FAM118B: variants seen among roughly 807,000 people sequenced by gnomAD.
The protein encoded by FAM118B is protein FAM118B.
FAM118B carries 24 observed loss-of-function variants against 38.5 expected under a neutral mutation model. That is an observed-to-expected ratio of 0.62 (90% CI 0.45 to 0.88). FAM118B has a LOEUF of 0.88. FAM118B is among the 40% of genes least tolerant of loss of function. The pLI is 0.00. For missense variants in FAM118B, 334 were observed against 420.0 expected, an observed-to-expected ratio of 0.80 and a Z score of 1.79; for synonymous variants, 138 against 156.3, an observed-to-expected ratio of 0.88 and a Z score of 0.87.
At position 126,235,924 on chromosome 11, in the gene FAM118B, T is replaced by C. The variant is rs181891827; in HGVS notation, c.86+837T>C. 7.3e-3 allele frequency among the ~76,000 whole-genome samples: 1,059 copies of C among 145,618 alleles called. 11 individuals carry two copies. Among genetic ancestry groups the C allele is most frequent in the Middle Eastern group, 0.021 (6 of 290 alleles). ...TGTTTCCTTTCTTGCCCATTTTTTTTGCTTATGTCATTAAAGACTGTCTTT... is the reference window on the plus strand; with the variant it reads ...TGTTTCCTTTCTTGCCCATTTTTTTCGCTTATGTCATTAAAGACTGTCTTT... On this transcript the variant is annotated intron_variant, in intron 3 of 8. Transcript: ENST00000533050.
intron 5 of FAM118B, among the ~76,000 whole-genome samples, chr11:126,251,973 C>CGTTTT (rs546709233): frequency 0.014 from 2,167 of 151,262 alleles, 29 homozygotes; most frequent in East Asian, 0.021. Context: ...TGTGCCTGGC[C>CGTTTT]GTTTTGTTTT....
chr11:126,254,508 AG>A, intron 6 of FAM118B, 75 bp downstream of exon 6: 1 of 1,567,490 alleles, frequency 6.4e-7, no homozygotes, highest in Non-Finnish European at 8.7e-7. Flanking sequence ...TAGATCTTAA[AG>A]GGGAACATCT....
chr11:126,218,672 T>A (rs1410378525), intron 1 of FAM118B, among the ~76,000 whole-genome samples: 1 of 152,190 alleles, frequency 6.6e-6, no homozygotes, highest in Non-Finnish European at 1.5e-5. Context: ...TTCATTTCTG[T>A]TTTGTTTTTT....
At chr11:126,261,266 A>T (rs183014381) in intron 7 of FAM118B, 159 bp from the exon 8 acceptor site, 21 of 614,136 alleles carry the variant, frequency 3.4e-5, no homozygotes, top group Non-Finnish European at 6.1e-5. Flanking sequence ...ACTCCAGTTT[A>T]TCCTCTCTGC....
intron 1 of FAM118B, among the ~76,000 whole-genome samples, chr11:126,221,874 G>C (rs753826231): frequency 7.2e-5 from 11 of 152,070 alleles, no homozygotes; most frequent in Non-Finnish European, 1.2e-4. Flanking sequence ...TTTGCCATAA[G>C]GGTATTTATC....
At chr11:126,254,847 A>C (rs1407472252) in intron 6 of FAM118B, among the ~76,000 whole-genome samples, 1 of 152,136 alleles carries the variant, frequency 6.6e-6, no homozygotes, top group Non-Finnish European at 1.5e-5. Flanking sequence ...AAGAAACTGG[A>C]AAGTCAGACG....
At chr11:126,236,374 CTCTGCTAACATCTAAGTAT>C (rs1436205068) in intron 3 of FAM118B, among the ~76,000 whole-genome samples, 2 of 152,324 alleles carry the variant, frequency 1.3e-5, no homozygotes, top group East Asian at 3.9e-4. Context: ...CTCATTCATA[CTCTGCTAACATCTAAGTAT>C]TCCTGCCAAA....
chr11:126,237,201 C>G (rs923659726), intron 3 of FAM118B, among the ~76,000 whole-genome samples: 1 of 144,460 alleles, frequency 6.9e-6, no homozygotes, highest in Non-Finnish European at 1.5e-5. Flanking sequence ...CAGACGTGAG[C>G]CACCGCGCCT....
In FAM118B at chr11:126,256,838, C is replaced by A; in HGVS notation, c.968C>A (p.Thr323Lys). 6.2e-7 allele frequency: 1 copy of A among 1,613,072 alleles called. No homozygotes were observed. The highest frequency in any genetic ancestry group is 8.5e-7 in the Non-Finnish European group (1 of 1,179,502). Residue 323 changes from threonine to lysine, a missense_variant, in exon 7 of 9, where the codon ACA becomes AAA. Transcript: ENST00000533050. The surrounding 1 kb of genome is among the most constrained non-coding windows in gnomAD (Gnocchi z 6.6). Reference protein sequence around the residue: ...YFKRLTCEISTRGTSAGMVRE... With the variant: ...YFKRLTCEISKRGTSAGMVRE... ...AAGCGACTGACATGTGAGATCTCCA[C>A]AAGGGGTACATCAGGTAAGATGCAT...
In FAM118B at chr11:126,256,595, A is replaced by G; in HGVS notation, c.725A>G (p.Lys242Arg). ...MREIQKLYEN[K>R]SFLFLGCGWT... is the part of the protein sequence containing the mutation. The stretch of plus-strand genomic sequence containing the variant: ...GAAATTCAGAAACTCTACGAAAACA[A>G]GTCATTTCTTTTCCTGGGCTGTGGC... Residue 242 changes from lysine to arginine, a missense_variant, in exon 7 of 9, where the codon AAG (lysine) becomes AGG (arginine). Physicochemically the swap from Lys to Arg is conservative, Grantham distance 26 (BLOSUM62 2). Around this residue, in one of 3 missense-constraint regions of FAM118B, gnomAD observed 240 missense variants for 295.9 expected, o/e 0.81. Coordinates refer to ENST00000533050, the MANE Select transcript of FAM118B (RefSeq NM_024556.4). This position sits in a 1 kb window ranked among gnomAD's most constrained non-coding sequence, Gnocchi z 6.6. 1 of 1,613,980 alleles carries G rather than the reference A, an allele frequency of 6.2e-7. No homozygotes were observed. The highest frequency in any genetic ancestry group is 8.5e-7 in the Non-Finnish European group (1 of 1,179,976).
chr11:126,236,729 T>C (rs769695690), intron 3 of FAM118B, among the ~76,000 whole-genome samples: 6 of 152,038 alleles, frequency 3.9e-5, no homozygotes, highest in Non-Finnish European at 7.4e-5. Context: ...ACTTCTTGTA[T>C]TAAGTCTCTA....
chr11:126,234,998 C>T lies in FAM118B; in HGVS notation c.-4C>T, dbSNP rs369624051. On this transcript the variant is annotated 5_prime_UTR_variant, in exon 3 of 9. Transcript: ENST00000533050. ...CATGGTGTTTAATCTATTTTAGAAACTGGATGGCTTCTACAGGGAGCCAGG... is the reference window on the plus strand; with the variant it reads ...CATGGTGTTTAATCTATTTTAGAAATTGGATGGCTTCTACAGGGAGCCAGG... 1 of 1,612,838 alleles carries T rather than the reference C, an allele frequency of 6.2e-7. No homozygotes were observed. Among genetic ancestry groups the T allele is most frequent in the Non-Finnish European group, 8.5e-7 (1 of 1,179,092 alleles).
At chr11:126,241,557 TA>T (rs1319583451) in intron 4 of FAM118B, among the ~76,000 whole-genome samples, 9 of 152,084 alleles carry the variant, frequency 5.9e-5, no homozygotes, top group South Asian at 2.1e-4. Flanking sequence ...TTTATTTATT[TA>T]TTTATTTTTT....
rs935145988 is a variant in FAM118B, at chr11:126,252,376, C to G, written c.567+1643C>G. The stretch of plus-strand genomic sequence containing the variant: ...TTGGATAGGTATCATGTTAGTCTTT[C>G]TTACCCTCATAACTCAAATACAACC... On this transcript the variant is annotated intron_variant, in intron 5 of 8. Coordinates refer to ENST00000533050, the MANE Select transcript of FAM118B (RefSeq NM_024556.4). The surrounding 1 kb of genome is among the most constrained non-coding windows in gnomAD (Gnocchi z 4.7). Among the ~76,000 whole-genome samples, 1 of 152,198 alleles carries G rather than the reference C, an allele frequency of 6.6e-6. No homozygotes were observed. The highest frequency in any genetic ancestry group is 1.9e-4 in the East Asian group (1 of 5,198).
chr11:126,250,872 T>C lies in FAM118B; in HGVS notation c.567+139T>C. On this transcript the variant is annotated intron_variant, in intron 5 of 8. Transcript: ENST00000533050. This position sits in a 1 kb window ranked among gnomAD's most constrained non-coding sequence, Gnocchi z 5.1. ...TTTCCCTGGTTGGAGTTTTTGTTTT[T>C]CTTTTTTCTTTCTTTTTAAAGATCA... 1 of 626,072 alleles carries C rather than the reference T, an allele frequency of 1.6e-6. No individual in the cohort carries two copies. The highest frequency in any genetic ancestry group is 2.7e-4 in the Middle Eastern group (1 of 3,756). The allele number at this position is 626,072 out of a possible 1,614,324, so 38.8% of individuals were successfully genotyped here. A position where few individuals can be genotyped will look rare whatever the true frequency, so the allele number is the denominator to read the frequency against.
rs576299291 is a variant in FAM118B at position 126,244,017 on chromosome 11, A to G, written c.339+2973A>G. Among the ~76,000 whole-genome samples, 1 of 152,340 alleles carries G rather than the reference A, an allele frequency of 6.6e-6. No homozygotes were observed. Among genetic ancestry groups the G allele is most frequent in the Non-Finnish European group, 1.5e-5 (1 of 68,026 alleles). ...AGAAAAAACATGTTAGCAAAATGCA[A>G]CACTCTTTCATGATTTTTTTTAAAA... On this transcript the variant is annotated intron_variant, in intron 4 of 8. Transcript: ENST00000533050. This position sits in a 1 kb window ranked among gnomAD's most constrained non-coding sequence, Gnocchi z 4.5.
chr11:126,216,931 A>G (rs1021532940), intron 1 of FAM118B, among the ~76,000 whole-genome samples: 2 of 152,258 alleles, frequency 1.3e-5, no homozygotes, highest in African/African-American at 4.8e-5. Context: ...GCTGGAGCCT[A>G]TGCTGGCAGC....
At chr11:126,249,477 A>T (rs1950466798) in intron 4 of FAM118B, among the ~76,000 whole-genome samples, 1 of 141,336 alleles carries the variant, frequency 7.1e-6, no homozygotes, top group Non-Finnish European at 1.6e-5. Flanking sequence ...TCACACCTGT[A>T]ATCCCAGCAC....
intron 1 of FAM118B, chr11:126,214,526 T>TTTTTTTTTTTTTTTTTTTTTTTTTTTTC (rs1949954100): frequency 7.7e-6 from 1 of 130,624 alleles, no homozygotes; most frequent in African/African-American, 2.9e-5. Context: ...TTTTTTTTTT[T>TTTTTTTTTTTTTTTTTTTTTTTTTTTTC]TACCTCTATA....
Sources: gnomAD v4.1 joint callset for allele counts (sites outside exome capture counted in the v4.1 genomes callset) on GRCh38, gnomAD v4.1.1 for gene constraint, gnomAD v4.1.1 regional missense constraint, Gnocchi (gnomAD v3.1) non-coding constraint, MANE v1.5 for transcripts, NCBI Gene and HGNC (gene_info 2026-07-23, HGNC 2026-07-21) for gene names.